The following TMEM132D variants were observed in gnomAD, a reference collection of about 807,000 sequenced individuals.
TMEM132D encodes mature OL transmembrane protein.
In TMEM132D, 21 loss-of-function variants were observed where a neutral mutation model predicts 62.3. The observed-to-expected ratio is 0.34, with a 90% CI of 0.24 to 0.49. The LOEUF (loss-of-function observed/expected upper bound fraction) is 0.49. Among genes scored for constraint, TMEM132D ranks in the 20% least tolerant of loss-of-function variants. TMEM132D has a pLI of 0.99. For missense variants in TMEM132D, 1,346 were observed against 1,402.8 expected (o/e 0.96, Z 0.65); for synonymous variants, 621 against 575.6 (o/e 1.08, Z -1.13).
intron 5 of TMEM132D, among the ~76,000 whole-genome samples, chr12:129,140,297 C>A (rs1161116818): frequency 6.6e-6 from 1 of 151,446 alleles, no homozygotes; most frequent in Non-Finnish European, 1.5e-5. Flanking sequence ...AGTAATTATT[C>A]CACTATGTAC....
At chr12:129,474,220 A>G (rs886930155) in intron 3 of TMEM132D, among the ~76,000 whole-genome samples, 2 of 152,222 alleles carry the variant, frequency 1.3e-5, no homozygotes, top group African/African-American at 2.4e-5. Flanking sequence ...CCAAAACCAC[A>G]GTAATATTTT....
At chr12:129,379,972 C>T (rs1036527766) in intron 3 of TMEM132D, among the ~76,000 whole-genome samples, 3 of 152,116 alleles carry the variant, frequency 2.0e-5, no homozygotes, top group African/African-American at 7.2e-5. Flanking sequence ...ATTTTACTTT[C>T]ATATATTTAT....
chr12:129,815,263 GA>G (rs1227768985), intron 1 of TMEM132D, among the ~76,000 whole-genome samples: 1 of 152,086 alleles, frequency 6.6e-6, no homozygotes, highest in Non-Finnish European at 1.5e-5. Context: ...AAAATCCACA[GA>G]AAAAAATCCA....
chr12:129,681,093 G>A (rs1194105433), intron 2 of TMEM132D, among the ~76,000 whole-genome samples: 1 of 152,238 alleles, frequency 6.6e-6, no homozygotes, highest in Admixed American at 6.5e-5. Context: ...GGTGTACTCA[G>A]TGAAAAGCAC....
At chr12:129,291,432 C>T (rs770322613) in intron 4 of TMEM132D, among the ~76,000 whole-genome samples, 2 of 152,176 alleles carry the variant, frequency 1.3e-5, no homozygotes, top group African/African-American at 2.4e-5. Context: ...CAAATAATTG[C>T]AACTCTCCTG....
intron 3 of TMEM132D, among the ~76,000 whole-genome samples, chr12:129,449,996 T>C (rs1873224539): frequency 6.6e-6 from 1 of 152,222 alleles, no homozygotes. Context: ...TTCCATATGA[T>C]TGTTGGCCAC....
chr12:129,278,557 T>C (rs924025869), intron 4 of TMEM132D, among the ~76,000 whole-genome samples: 3 of 152,168 alleles, frequency 2.0e-5, no homozygotes, highest in Admixed American at 6.5e-5. Flanking sequence ...CTCTTGACTG[T>C]CTAGGGCCAA....
intron 3 of TMEM132D, among the ~76,000 whole-genome samples, chr12:129,409,904 G>T (rs560226950): frequency 1.4e-4 from 21 of 152,336 alleles, no homozygotes; most frequent in African/African-American, 5.1e-4. Flanking sequence ...CAGAGACTCT[G>T]CTTGATGGGG....
At chr12:129,102,605 A>G (rs533860805) in intron 5 of TMEM132D, among the ~76,000 whole-genome samples, 1 of 152,340 alleles carries the variant, frequency 6.6e-6, no homozygotes, top group East Asian at 1.9e-4. Context: ...GGAAACCTCA[A>G]AAAAATCTCT....
rs1306163522 is a variant in TMEM132D at position 129,235,411 on chromosome 12, T to A, written c.1300-25748A>T. On this transcript the variant is annotated intron_variant, in intron 4 of 8. Coordinates refer to ENST00000422113, the MANE Select transcript of TMEM132D (RefSeq NM_133448.3). ...TCAGCCCCTAATGGGTTTTTTTTTTTTTATTATAGCTTTGCATTTTCTGGA... is the reference window on the plus strand; with the variant it reads ...TCAGCCCCTAATGGGTTTTTTTTTTATTATTATAGCTTTGCATTTTCTGGA... 1.3e-4 allele frequency among the ~76,000 whole-genome samples: 19 copies of A among 150,174 alleles called. 1 individual carries two copies. Among genetic ancestry groups the A allele is most frequent in the Admixed American group, 4.7e-4 (7 of 15,030 alleles).
At chr12:129,554,336 G>A (rs570149890) in intron 2 of TMEM132D, among the ~76,000 whole-genome samples, 3 of 152,316 alleles carry the variant, frequency 2.0e-5, no homozygotes, top group African/African-American at 7.2e-5. Context: ...AACGATGCCA[G>A]GTGGTGCTGG....
At chr12:129,442,609 T>G (rs1872972906) in intron 3 of TMEM132D, among the ~76,000 whole-genome samples, 1 of 123,650 alleles carries the variant, frequency 8.1e-6, no homozygotes, top group Non-Finnish European at 1.6e-5. Context: ...TCTTGAGTGG[T>G]ATGACCAGCA....
At chr12:129,104,296 A>T (rs1050364031) in intron 5 of TMEM132D, among the ~76,000 whole-genome samples, 1 of 151,658 alleles carries the variant, frequency 6.6e-6, no homozygotes, top group Non-Finnish European at 1.5e-5. Context: ...TGGGGAAAGG[A>T]TTCCCTATTT....
chr12:129,691,737 A>T (rs969297653), intron 2 of TMEM132D, among the ~76,000 whole-genome samples: 4 of 152,140 alleles, frequency 2.6e-5, no homozygotes, highest in Non-Finnish European at 5.9e-5. Context: ...ATACAACTAT[A>T]ATCTTTCAAT....
At chr12:129,286,805 C>T (rs1325199851) in intron 4 of TMEM132D, among the ~76,000 whole-genome samples, 2 of 152,004 alleles carry the variant, frequency 1.3e-5, no homozygotes, top group Non-Finnish European at 2.9e-5. Flanking sequence ...CCCAGCATGT[C>T]GGGAGGCCAA....
At chr12:129,880,567 G>A (rs769327662) in intron 1 of TMEM132D, among the ~76,000 whole-genome samples, 22 of 152,082 alleles carry the variant, frequency 1.4e-4, no homozygotes, top group African/African-American at 4.1e-4. Context: ...AAAATAAATG[G>A]CATCAGTAAA....
chr12:129,734,916 T>C (rs191202196), intron 1 of TMEM132D, among the ~76,000 whole-genome samples: 28 of 152,188 alleles, frequency 1.8e-4, no homozygotes, highest in African/African-American at 6.5e-4. Context: ...GAACTGGAAC[T>C]ATAAAAGGCA....
intron 3 of TMEM132D, among the ~76,000 whole-genome samples, chr12:129,343,129 A>G (rs1192547374): frequency 2.0e-5 from 3 of 152,246 alleles, no homozygotes; most frequent in Non-Finnish European, 4.4e-5. Context: ...ATGCACATGT[A>G]TGTTTATTGC....
At chr12:129,275,807 C>T in intron 4 of TMEM132D, among the ~76,000 whole-genome samples, 1 of 152,120 alleles carries the variant, frequency 6.6e-6, no homozygotes, top group East Asian at 1.9e-4. Flanking sequence ...GAGAGCAGGT[C>T]CCAGAAATAA....
Sources: allele counts gnomAD v4.1 joint callset (sites outside exome capture counted in the v4.1 genomes callset), GRCh38; gene constraint gnomAD v4.1.1; transcripts MANE v1.5; gene names NCBI Gene and HGNC (gene_info 2026-07-23, HGNC 2026-07-21).